Variants in ADARB2 observed in about 807,000 individuals in gnomAD.
The protein encoded by ADARB2 is adenosine deaminase RNA specific B2 (inactive).
In ADARB2, 25 loss-of-function variants were observed where a neutral mutation model predicts 62.2. The ratio of observed to expected loss-of-function variants is 0.40; its 90% confidence interval spans 0.29 to 0.56. The LOEUF (loss-of-function observed/expected upper bound fraction) is 0.56. ADARB2 is among the 20% of genes least tolerant of loss of function. The pLI is 0.43. For missense variants in ADARB2, 1,071 were observed against 1,077.4 expected, an observed-to-expected ratio of 0.99 and a Z score of 0.08; for synonymous variants, 572 against 500.8, an observed-to-expected ratio of 1.14 and a Z score of -1.90.
Position 1,199,946 on chromosome 10 carries a change from C to T in ADARB2, c.1864+20G>A. 6.7e-7 allele frequency: 1 copy of T among 1,498,728 alleles called. No homozygotes were observed. Among genetic ancestry groups the T allele is most frequent in the South Asian group, 1.3e-5 (1 of 74,216 alleles). The allele number at this position is 1,498,728 out of a possible 1,614,324, so 92.8% of individuals were successfully genotyped here. ...GGTGGTGGGAAGGAGGTGGAGGGCC[C>T]CCGGGAAGGGGGTTCTTACCGCTGA... On this transcript the variant is annotated intron_variant, in intron 8 of 9. Transcript: ENST00000381312.
At chr10:1,367,194 C>T (rs894957667) in intron 2 of ADARB2, among the ~76,000 whole-genome samples, 1 of 152,238 alleles carries the variant, frequency 6.6e-6, no homozygotes, top group South Asian at 2.1e-4. Flanking sequence ...GCTGCCTGCC[C>T]GTTCAGCTCG....
At chr10:1,484,154 G>T (rs1360142589) in intron 1 of ADARB2, among the ~76,000 whole-genome samples, 1 of 152,116 alleles carries the variant, frequency 6.6e-6, no homozygotes, top group South Asian at 2.1e-4. Context: ...TAATCCTCTC[G>T]ATATTTCCCA....
At chr10:1,695,338 G>A (rs965976371) in intron 1 of ADARB2, among the ~76,000 whole-genome samples, 8 of 152,142 alleles carry the variant, frequency 5.3e-5, no homozygotes, top group African/African-American at 1.7e-4. Flanking sequence ...AGTGACCCCC[G>A]AGCCTCAGCT....
chr10:1,392,449 T>C (rs1832578408), intron 1 of ADARB2, among the ~76,000 whole-genome samples: 1 of 152,176 alleles, frequency 6.6e-6, no homozygotes, highest in Admixed American at 6.5e-5. Flanking sequence ...AGAATACAGG[T>C]ATGTCTTCAA....
At chr10:1,476,082 T>C (rs1831396266) in intron 1 of ADARB2, among the ~76,000 whole-genome samples, 1 of 152,034 alleles carries the variant, frequency 6.6e-6, no homozygotes, top group Non-Finnish European at 1.5e-5. Flanking sequence ...TCACTAGTGA[T>C]TAAAGAGAAA....
chr10:1,639,984 A>G (rs1041932018), intron 1 of ADARB2, among the ~76,000 whole-genome samples: 5 of 152,146 alleles, frequency 3.3e-5, no homozygotes, highest in African/African-American at 1.2e-4. Context: ...ACTCAGAAAA[A>G]AACTTCAGGC....
chr10:1,686,699 A>C lies in ADARB2; in HGVS notation c.100+50352T>G, dbSNP rs77634523. Among the ~76,000 whole-genome samples, 514 of 148,914 alleles carry C rather than the reference A, an allele frequency of 3.5e-3. 4 individuals carry two copies. Among genetic ancestry groups the C allele is most frequent in the African/African-American group, 0.012 (493 of 40,642 alleles). On this transcript the variant is annotated intron_variant, in intron 1 of 9. Transcript: ENST00000381312. ...TTGCTAATTAAGTTGTAGACACTTT[A>C]AGGTCAAAGGCTCTGTCTTAGACCG... is the stretch of plus-strand genomic sequence containing the variant.
chr10:1,671,358 T>C (rs1247376938), intron 1 of ADARB2, among the ~76,000 whole-genome samples: 1 of 152,244 alleles, frequency 6.6e-6, no homozygotes, highest in African/African-American at 2.4e-5. Flanking sequence ...GGTTTTGCTG[T>C]GCTTTTTGTT....
In ADARB2 at chr10:1,413,328, C is replaced by A. The variant is rs572021116; in HGVS notation, c.101-34168G>T. Among the ~76,000 whole-genome samples the A allele has an allele frequency of 4.6e-5, 7 of 152,246 alleles. No individual in the cohort carries two copies. In the South Asian group the frequency reaches 1.5e-3, roughly 32 times the overall value. On this transcript the variant is annotated intron_variant, in intron 1 of 9. Coordinates refer to ENST00000381312, the MANE Select transcript of ADARB2 (RefSeq NM_018702.4). Reference sequence around the variant, plus strand: ...TGACACAGCACTGGGGAAGGGGGTGCTCTGTGGTTAGAAACGGCGTCGGGT... The same window carrying A: ...TGACACAGCACTGGGGAAGGGGGTGATCTGTGGTTAGAAACGGCGTCGGGT...
intron 3 of ADARB2, among the ~76,000 whole-genome samples, chr10:1,351,013 A>T (rs1354472003): frequency 6.6e-6 from 1 of 152,112 alleles, no homozygotes; most frequent in Non-Finnish European, 1.5e-5. Flanking sequence ...TTACCCGAGA[A>T]GCTTGCTACA....
At chr10:1,661,728 A>G (rs1213103203) in intron 1 of ADARB2, among the ~76,000 whole-genome samples, 1 of 152,146 alleles carries the variant, frequency 6.6e-6, no homozygotes, top group Non-Finnish European at 1.5e-5. Flanking sequence ...TCCTCTTCCA[A>G]ACCTGCCTCA....
chr10:1,543,508 A>T (rs147646795), intron 1 of ADARB2, among the ~76,000 whole-genome samples: 94 of 152,298 alleles, frequency 6.2e-4, no homozygotes, highest in Non-Finnish European at 1.1e-3. Context: ...GACAATTTAG[A>T]CATTGCAGTA....
chr10:1,296,646 ACT>A (rs1831525954), intron 3 of ADARB2, among the ~76,000 whole-genome samples: 1 of 152,136 alleles, frequency 6.6e-6, no homozygotes, highest in Admixed American at 6.5e-5. Flanking sequence ...TTTGCCTGGG[ACT>A]CTCTGCATTT....
chr10:1,483,785 G>C (rs961810315), intron 1 of ADARB2, among the ~76,000 whole-genome samples: 1 of 84,106 alleles, frequency 1.2e-5, no homozygotes, highest in African/African-American at 5.0e-5. Context: ...AGTCAAGTTA[G>C]TGTTGAGCTT....
intron 1 of ADARB2, among the ~76,000 whole-genome samples, chr10:1,727,230 C>T (rs1835178192): frequency 6.6e-6 from 1 of 152,246 alleles, no homozygotes; most frequent in African/African-American, 2.4e-5. Context: ...TGGATTTTGG[C>T]CCCCATTCTT....
intron 1 of ADARB2, among the ~76,000 whole-genome samples, chr10:1,514,902 G>A (rs1217969686): frequency 6.6e-6 from 1 of 152,022 alleles, no homozygotes; most frequent in Non-Finnish European, 1.5e-5. Flanking sequence ...GACCAGCAGT[G>A]GAGCGTAGGG....
chr10:1,614,736 C>A (rs886643881), intron 1 of ADARB2, among the ~76,000 whole-genome samples: 4 of 152,084 alleles, frequency 2.6e-5, no homozygotes, highest in Non-Finnish European at 5.9e-5. Flanking sequence ...ACGGTGAAAC[C>A]CCGTCTCTAC....
Position 1,508,580 on chromosome 10 carries a change from G to T in ADARB2, c.101-129420C>A, listed in dbSNP as rs112264822. Reference sequence around the variant, plus strand: ...TGATTGTCTGAGGTCAGGAGTTCGAGACCAGCCCAGCCAACATGGTGAAAC... The same window carrying T: ...TGATTGTCTGAGGTCAGGAGTTCGATACCAGCCCAGCCAACATGGTGAAAC... On this transcript the variant is annotated intron_variant, in intron 1 of 9. Transcript: ENST00000381312. Among the ~76,000 whole-genome samples, 413 of 152,324 alleles carry T rather than the reference G, an allele frequency of 2.7e-3. 1 individual carries two copies. The highest frequency in any genetic ancestry group is 9.6e-3 in the African/African-American group (399 of 41,574).
intron 1 of ADARB2, among the ~76,000 whole-genome samples, chr10:1,520,209 T>C (rs1832056551): frequency 6.6e-6 from 1 of 152,232 alleles, no homozygotes; most frequent in Non-Finnish European, 1.5e-5. Context: ...TAATACATTG[T>C]TAGGTTAAAA....
Sources: gnomAD v4.1 joint callset for allele counts (sites outside exome capture counted in the v4.1 genomes callset) on GRCh38, gnomAD v4.1.1 for gene constraint, MANE v1.5 for transcripts, NCBI Gene and HGNC (gene_info 2026-07-23, HGNC 2026-07-21) for gene names.